U2SURP: variants seen among roughly 807,000 people sequenced by gnomAD.
U2SURP encodes U2 snRNP-associated SURP motif-containing protein.
U2SURP carries 9 observed loss-of-function variants against 144.9 expected under a neutral mutation model. The ratio of observed to expected loss-of-function variants is 0.06; its 90% CI spans 0.04 to 0.11. U2SURP has a LOEUF of 0.11. Among genes scored for constraint, U2SURP ranks in the 10% least tolerant of loss-of-function variants. The pLI is 1.00. For synonymous variants in U2SURP, 408 were observed against 396.8 expected, an observed-to-expected ratio of 1.03 and a Z score of -0.33; for missense variants, 724 against 1,226.7, an observed-to-expected ratio of 0.59 and a Z score of 6.12.
At chr3:143,041,904 A>G (rs1934131259) in intron 23 of U2SURP, among the ~76,000 whole-genome samples, 1 of 152,030 alleles carries the variant, frequency 6.6e-6, no homozygotes, top group Non-Finnish European at 1.5e-5. Context: ...TTGTATATAT[A>G]TAAACATTCT....
intron 1 of U2SURP, among the ~76,000 whole-genome samples, chr3:143,005,238 G>A (rs577173503): frequency 6.6e-6 from 1 of 151,156 alleles, no homozygotes; most frequent in South Asian, 2.1e-4. Context: ...ATCCAGTGCT[G>A]AATTGCTTTG....
At chr3:143,041,892 GT>G (rs1294929923) in intron 23 of U2SURP, among the ~76,000 whole-genome samples, 1 of 151,584 alleles carries the variant, frequency 6.6e-6, no homozygotes, top group African/African-American at 2.4e-5. Flanking sequence ...AAGGAATTTT[GT>G]TTGTATATAT....
intron 13 of U2SURP, chr3:143,025,813 A>G (rs1400789729): frequency 2.0e-5 from 3 of 152,034 alleles, no homozygotes; most frequent in South Asian, 2.1e-4. Flanking sequence ...TTTTTTCACT[A>G]TGGAGAGATT....
rs1935171453 is a variant in U2SURP, at chr3:143,056,781, T to TC, written c.*337dup. ...CTTAGCAAAAATAATACAGATGTCT[T>TC]CCCCCCTTTTGTAGCTTTGACAATT... On this transcript the variant is annotated 3_prime_UTR_variant, in exon 28 of 28. Coordinates refer to ENST00000473835, the MANE Select transcript of U2SURP (RefSeq NM_001080415.2). 1 of 195,772 alleles carries TC rather than the reference T, an allele frequency of 5.1e-6. No homozygotes were observed. Among genetic ancestry groups the TC allele is most frequent in the African/African-American group, 2.3e-5 (1 of 42,744 alleles). The allele number at this position is 195,772 out of a possible 1,614,324, so 12.1% of individuals were successfully genotyped here.
At position 143,056,460 on chromosome 3, in the gene U2SURP, T is replaced by C. The variant is rs1399503990; in HGVS notation, c.*10T>C. 16 of 1,610,892 alleles carry C rather than the reference T, an allele frequency of 9.9e-6. No individual in the cohort carries two copies. Among genetic ancestry groups the C allele is most frequent in the Non-Finnish European group, 1.3e-5 (15 of 1,178,492 alleles). ...GAAAAACAAACACTGACGTAAATTT[T>C]TAAGATGCTGTCACTTATTGGAAAT... On this transcript the variant is annotated 3_prime_UTR_variant, in exon 28 of 28. Transcript: ENST00000473835.
intron 11 of U2SURP, 26 bp from the exon 12 acceptor site, chr3:143,022,827 A>G (rs750328637): frequency 6.6e-7 from 1 of 1,515,464 alleles, no homozygotes; most frequent in Non-Finnish European, 8.8e-7. Flanking sequence ...GAGTTAACAA[A>G]ATGACCTTTC....
chr3:143,007,431 GTCCTT>G (rs1935898077), intron 1 of U2SURP, among the ~76,000 whole-genome samples: 1 of 145,646 alleles, frequency 6.9e-6, no homozygotes, highest in African/African-American at 2.6e-5. Context: ...CAGCTTTTGG[GTCCTT>G]TCAAGAGATT....
intron 23 of U2SURP, among the ~76,000 whole-genome samples, chr3:143,041,849 G>A (rs1041228290): frequency 6.6e-5 from 10 of 151,878 alleles, no homozygotes; most frequent in African/African-American, 2.2e-4. Context: ...TCTGGGTTAT[G>A]CCAGTAATGT....
intron 4 of U2SURP, 131 bp from the exon 5 acceptor site, chr3:143,016,126 G>A (rs1936362918): frequency 1.6e-5 from 10 of 621,538 alleles, no homozygotes; most frequent in South Asian, 1.1e-4. Context: ...AAGATTAGAC[G>A]TTATTACTTG....
At chr3:143,048,171 TAAG>T (rs1214172880) in intron 24 of U2SURP, among the ~76,000 whole-genome samples, 1 of 152,218 alleles carries the variant, frequency 6.6e-6, no homozygotes, top group South Asian at 2.1e-4. Flanking sequence ...GCTGGATAGT[TAAG>T]AAGCCATTGC....
At chr3:143,033,153 G>A (rs1933599808) in intron 17 of U2SURP, 118 bp from the exon 18 acceptor site, 9 of 821,332 alleles carry the variant, frequency 1.1e-5, no homozygotes, top group African/African-American at 1.7e-5. Context: ...CTCTGCCAGA[G>A]TCATAGTTGT....
At chr3:143,046,745 G>A (rs1199788095) in intron 24 of U2SURP, among the ~76,000 whole-genome samples, 9 of 122,604 alleles carry the variant, frequency 7.3e-5, no homozygotes, top group Admixed American at 2.4e-4. Context: ...GCAACCATCC[G>A]ATTTCTCAAT....
intron 4 of U2SURP, among the ~76,000 whole-genome samples, chr3:143,016,050 C>G (rs1936359022): frequency 1.3e-5 from 2 of 152,208 alleles, no homozygotes; most frequent in African/African-American, 2.4e-5. Context: ...TTTTCTAGTT[C>G]TGCAAATTGC....
At chr3:143,044,945 A>G (rs542181283) in intron 24 of U2SURP, among the ~76,000 whole-genome samples, 2 of 152,060 alleles carry the variant, frequency 1.3e-5, no homozygotes, top group Non-Finnish European at 1.5e-5. Context: ...TAGTTGATTT[A>G]TTTTTTCCTG....
intron 26 of U2SURP, among the ~76,000 whole-genome samples, chr3:143,054,714 T>C (rs567706744): frequency 1.1e-4 from 16 of 152,346 alleles, no homozygotes; most frequent in African/African-American, 3.6e-4. Context: ...TAACCTCTTA[T>C]TGCAAAGAGA....
intron 4 of U2SURP, 27 bp downstream of exon 4, chr3:143,014,436 A>T (rs1489368821): frequency 6.8e-7 from 1 of 1,479,456 alleles, no homozygotes; most frequent in African/African-American, 1.4e-5. Flanking sequence ...ATTTTGAATT[A>T]TCCTTGGAAA....
intron 24 of U2SURP, among the ~76,000 whole-genome samples, chr3:143,045,367 A>C (rs943564289): frequency 0.05 from 1,010 of 20,348 alleles, 6 homozygotes; most frequent in African/African-American, 0.12. Flanking sequence ...AGACGCCGTC[A>C]AAAAAAAAAA....
chr3:143,006,645 G>T (rs762021252), intron 1 of U2SURP, among the ~76,000 whole-genome samples: 15 of 152,106 alleles, frequency 9.9e-5, no homozygotes, highest in Non-Finnish European at 2.2e-4. Context: ...GGGAGGCTGA[G>T]GCAGGAGAAT....
intron 25 of U2SURP, among the ~76,000 whole-genome samples, chr3:143,053,297 C>T (rs1326063443): frequency 2.0e-5 from 3 of 152,134 alleles, no homozygotes; most frequent in African/African-American, 7.2e-5. Context: ...CCTGACTCTC[C>T]TGTGTGACCA....
Sources: allele counts gnomAD v4.1 joint callset (sites outside exome capture counted in the v4.1 genomes callset), GRCh38; gene constraint gnomAD v4.1.1; transcripts MANE v1.5; gene names NCBI Gene and HGNC (gene_info 2026-07-23, HGNC 2026-07-21).